The following SLC7A14 variants were observed in gnomAD, a reference collection of about 807,000 sequenced individuals.
SLC7A14 encodes the protein solute carrier family 7 member 14, also known as gamma-aminobutyric acid transporter SLC7A14.
SLC7A14 carries 37 observed loss-of-function variants against 60.2 expected under a neutral mutation model. The ratio of observed to expected loss-of-function variants is 0.61; its 90% CI spans 0.47 to 0.81. The LOEUF is 0.81. Among genes scored for constraint, SLC7A14 ranks in the 30% least tolerant of loss-of-function variants. SLC7A14 has a pLI of 0.00. For missense variants in SLC7A14, 886 were observed against 982.7 expected, an observed-to-expected ratio of 0.90 and a Z score of 1.32; for synonymous variants, 399 against 395.8, an observed-to-expected ratio of 1.01 and a Z score of -0.10.
intron 5 of SLC7A14, among the ~76,000 whole-genome samples, chr3:170,485,442 C>T (rs898734290): frequency 6.6e-6 from 1 of 152,184 alleles, no homozygotes; most frequent in Non-Finnish European, 1.5e-5. Context: ...GTGCGCCCCT[C>T]AGGACCTGAG....
intron 1 of SLC7A14, among the ~76,000 whole-genome samples, chr3:170,566,055 G>A (rs952631669): frequency 4.6e-5 from 7 of 152,118 alleles, no homozygotes; most frequent in Non-Finnish European, 1.0e-4. Flanking sequence ...AATCATCTGT[G>A]GTTGCCCTTC....
intron 1 of SLC7A14, among the ~76,000 whole-genome samples, chr3:170,549,036 T>C (rs746926946): frequency 5.3e-5 from 8 of 152,026 alleles, no homozygotes; most frequent in Non-Finnish European, 8.8e-5. Flanking sequence ...AATAAATAAA[T>C]GAATAGACAT....
chr3:170,515,808 G>A (rs749447897), intron 2 of SLC7A14, among the ~76,000 whole-genome samples: 2 of 152,124 alleles, frequency 1.3e-5, no homozygotes, highest in Non-Finnish European at 2.9e-5. Context: ...GAGGGTGAGA[G>A]CTGGAATCAG....
intron 1 of SLC7A14, among the ~76,000 whole-genome samples, chr3:170,533,898 G>A (rs1713758467): frequency 6.6e-6 from 1 of 152,118 alleles, no homozygotes; most frequent in Admixed American, 6.6e-5. Context: ...TTAATGATGT[G>A]CTAGCCTGTT....
intron 7 of SLC7A14, among the ~76,000 whole-genome samples, chr3:170,470,585 G>A (rs569688287): frequency 3.1e-4 from 47 of 152,128 alleles, no homozygotes; most frequent in Non-Finnish European, 6.3e-4. Flanking sequence ...ATGCAAAGCC[G>A]TTCCCCTAGG....
chr3:170,550,512 A>ATTTTTTTTTTTT (rs369436642), intron 1 of SLC7A14, among the ~76,000 whole-genome samples: 2,524 of 60,262 alleles, frequency 0.042, 473 homozygotes, highest in African/African-American at 0.12. Flanking sequence ...CTTTCCTTGA[A>ATTTTTTTTTTTT]TTTTTTTTTT....
rs1715228376 is a variant in SLC7A14 at position 170,581,334 on chromosome 3, T to C, written c.-153+4577A>G. ...TATCCATAATGCTTGTATTTTGTTA[T>C]TTCTGAACCCCTATTACCATGATGG... On this transcript the variant is annotated intron_variant, in intron 1 of 7. Transcript: ENST00000231706. Among the ~76,000 whole-genome samples the C allele has an allele frequency of 1.3e-5, 2 of 152,194 alleles. 1 individual carries two copies. The highest frequency in any genetic ancestry group is 4.1e-4 in the South Asian group (2 of 4,824).
In SLC7A14 at chr3:170,526,982, C is replaced by A. The variant is rs1463516959; in HGVS notation, c.-46G>T. The A allele has an allele frequency of 3.2e-6, 5 of 1,563,764 alleles. No individual in the cohort carries two copies. In the Admixed American group the frequency reaches 5.5e-5, roughly 17 times the overall value. On this transcript the variant is annotated 5_prime_UTR_variant, in exon 2 of 8. Coordinates refer to ENST00000231706, the MANE Select transcript of SLC7A14 (RefSeq NM_020949.3). ...GTGAAGGTCAGCTGATGGAAGGGGG[C>A]TACAAAGCCTTAGTGGATGGTTCTG...
At chr3:170,575,538 T>C (rs902133852) in intron 1 of SLC7A14, among the ~76,000 whole-genome samples, 7 of 152,236 alleles carry the variant, frequency 4.6e-5, no homozygotes, top group African/African-American at 1.4e-4. Context: ...TATAGCTTCA[T>C]AGTGAACAAT....
intron 1 of SLC7A14, among the ~76,000 whole-genome samples, chr3:170,584,750 G>A (rs745637374): frequency 6.6e-6 from 1 of 152,168 alleles, no homozygotes; most frequent in South Asian, 2.1e-4. Context: ...AGTCGGAGGA[G>A]GAGAGCTACC....
At chr3:170,474,185 A>G (rs557489749) in intron 7 of SLC7A14, among the ~76,000 whole-genome samples, 2 of 152,340 alleles carry the variant, frequency 1.3e-5, no homozygotes, top group South Asian at 2.1e-4. Flanking sequence ...ACAAGCAACA[A>G]TGGGCGTGAA....
At chr3:170,540,078 G>A (rs1345327632) in intron 1 of SLC7A14, among the ~76,000 whole-genome samples, 2 of 152,156 alleles carry the variant, frequency 1.3e-5, no homozygotes, top group African/African-American at 4.8e-5. Flanking sequence ...AGTACAGAGT[G>A]TGGATACCTT....
At chr3:170,490,517 C>T (rs1712183883) in intron 4 of SLC7A14, among the ~76,000 whole-genome samples, 2 of 152,156 alleles carry the variant, frequency 1.3e-5, no homozygotes, top group African/African-American at 4.8e-5. Flanking sequence ...AACCATGCCA[C>T]GTAAGGAAGA....
chr3:170,515,752 T>C (rs1317466829), intron 2 of SLC7A14, among the ~76,000 whole-genome samples: 2 of 152,080 alleles, frequency 1.3e-5, no homozygotes, highest in Admixed American at 6.5e-5. Flanking sequence ...AGGAGGAAAC[T>C]GAGATCAGGA....
rs1739556011 is a variant in SLC7A14 at position 170,459,733 on chromosome 3, T to C, written c.*7322A>G. 1 of 152,184 alleles carries C rather than the reference T, an allele frequency of 6.6e-6. No individual in the cohort carries two copies. Among genetic ancestry groups the C allele is most frequent in the Non-Finnish European group, 1.5e-5 (1 of 68,016 alleles). The allele number at this position is 152,184 out of a possible 1,614,324, so 9.4% of individuals were successfully genotyped here. On this transcript the variant is annotated 3_prime_UTR_variant, in exon 8 of 8. Coordinates refer to ENST00000231706, the MANE Select transcript of SLC7A14 (RefSeq NM_020949.3). ...TCTCCATTTAAGAATGGAAAAAAAG[T>C]AACAGACTTCAGATACTGGTTAAGG...
intron 7 of SLC7A14, among the ~76,000 whole-genome samples, chr3:170,475,803 C>A (rs1711592867): frequency 1.3e-5 from 2 of 152,114 alleles, no homozygotes; most frequent in African/African-American, 4.8e-5. Flanking sequence ...ACCTCCGCCT[C>A]CAGGGTTCAA....
chr3:170,501,472 T>C (rs1712607498), intron 2 of SLC7A14, 127 bp from the exon 3 acceptor site: 1 of 762,430 alleles, frequency 1.3e-6, no homozygotes, highest in South Asian at 1.8e-5. Context: ...AAGTTTTATG[T>C]ATATGAATCG....
At chr3:170,519,568 G>C (rs1038964625) in intron 2 of SLC7A14, among the ~76,000 whole-genome samples, 2 of 152,162 alleles carry the variant, frequency 1.3e-5, no homozygotes, top group Non-Finnish European at 2.9e-5. Context: ...CCTAAGTCAG[G>C]AGTTTCAGAC....
chr3:170,543,266 C>G (rs1254499808), intron 1 of SLC7A14, among the ~76,000 whole-genome samples: 1 of 152,082 alleles, frequency 6.6e-6, no homozygotes, highest in African/African-American at 2.4e-5. Flanking sequence ...GGCCAAGATG[C>G]CTAGTGTCTC....
Sources: gnomAD v4.1 joint callset for allele counts (sites outside exome capture counted in the v4.1 genomes callset) on GRCh38, gnomAD v4.1.1 for gene constraint, MANE v1.5 for transcripts, NCBI Gene and HGNC (gene_info 2026-07-23, HGNC 2026-07-21) for gene names.